ZNF827: variants seen among roughly 807,000 people sequenced by gnomAD.
ZNF827 encodes zinc finger protein 827.
A neutral mutation model predicts 102.4 loss-of-function variants in ZNF827; 13 were observed. That is an observed-to-expected ratio of 0.13 (90% CI 0.08 to 0.20). ZNF827 has a LOEUF of 0.20. ZNF827 is among the 10% of genes least tolerant of loss of function. The pLI, the probability that ZNF827 is intolerant of heterozygous loss-of-function variation, is 1.00. For missense variants in ZNF827, 1,103 were observed against 1,344.4 expected, an observed-to-expected ratio of 0.82 and a Z score of 2.81; for synonymous variants, 523 against 536.2, an observed-to-expected ratio of 0.98 and a Z score of 0.34.
At chr4:145,907,116 G>A (rs1423766686) in intron 1 of ZNF827, 1 of 456,690 alleles carries the variant, frequency 2.2e-6, no homozygotes, top group Non-Finnish European at 4.4e-6. Context: ...AAGAAAATGA[G>A]GATGTGCAGA....
At position 145,902,130 on chromosome 4, in the gene ZNF827, G is replaced by C; in HGVS notation, c.1093+36C>G. On this transcript the variant is annotated intron_variant, in intron 2 of 14. Transcript: ENST00000508784. This position sits in a 1 kb window ranked among gnomAD's most constrained non-coding sequence, Gnocchi z 4.3. ...AAGACATCGCAGTTTATAGTCTAAAGGACTTACACGATGATTGAAAGAAAA... is the reference window on the plus strand; with the variant it reads ...AAGACATCGCAGTTTATAGTCTAAACGACTTACACGATGATTGAAAGAAAA... 10 of 1,549,864 alleles carry C rather than the reference G, an allele frequency of 6.5e-6. No homozygotes were observed. The highest frequency in any genetic ancestry group is 8.7e-6 in the Non-Finnish European group (10 of 1,153,784).
In ZNF827 at chr4:145,801,533, G is replaced by A. The variant is rs530263271; in HGVS notation, c.2383+21889C>T. Among the ~76,000 whole-genome samples the A allele has an allele frequency of 8.5e-5, 13 of 152,244 alleles. 1 individual carries two copies. The South Asian group carries it at 1.7e-3, about 19-fold the overall frequency. ...TTTTTAGAGAGAGTGGGGAAGAAGT[G>A]TACTCTAAAAAGATACATCAGGCCC... On this transcript the variant is annotated intron_variant, in intron 8 of 14. Transcript: ENST00000508784.
At chr4:145,775,650 G>T in intron 10 of ZNF827, 139 bp downstream of exon 10, 1 of 1,073,260 alleles carries the variant, frequency 9.3e-7, no homozygotes, top group Non-Finnish European at 1.3e-6. Flanking sequence ...CTCAATCTGA[G>T]CAAAGAAATT....
At chr4:145,783,930 G>C (rs57911820) in intron 8 of ZNF827, among the ~76,000 whole-genome samples, 27 of 152,228 alleles carry the variant, frequency 1.8e-4, no homozygotes, top group African/African-American at 5.1e-4. Flanking sequence ...GGATCATGGG[G>C]GTGGAGTTCT....
At chr4:145,871,488 C>T (rs556892384) in intron 4 of ZNF827, among the ~76,000 whole-genome samples, 3 of 152,128 alleles carry the variant, frequency 2.0e-5, no homozygotes, top group Non-Finnish European at 4.4e-5. Context: ...AGACAAGCAC[C>T]CTCTTCCTAC....
chr4:145,862,518 T>TA (rs954028221), intron 5 of ZNF827, among the ~76,000 whole-genome samples: 1 of 152,096 alleles, frequency 6.6e-6, no homozygotes, highest in African/African-American at 2.4e-5. Flanking sequence ...CCCCCAGCCA[T>TA]GGGATATATA....
intron 1 of ZNF827, among the ~76,000 whole-genome samples, chr4:145,909,406 G>T (rs1301068511): frequency 6.6e-6 from 1 of 152,208 alleles, no homozygotes; most frequent in Non-Finnish European, 1.5e-5. Context: ...GCACCATCAG[G>T]GCTCTCTCTC....
chr4:145,886,273 T>TA, intron 3 of ZNF827, 115 bp from the exon 4 acceptor site: 1 of 1,425,602 alleles, frequency 7.0e-7, no homozygotes, highest in Non-Finnish European at 9.2e-7. Context: ...CTGGCCTTTG[T>TA]ACTGCAGAGC....
intron 1 of ZNF827, among the ~76,000 whole-genome samples, chr4:145,906,175 G>A (rs1751857134): frequency 6.6e-6 from 1 of 152,202 alleles, no homozygotes; most frequent in Admixed American, 6.5e-5. Flanking sequence ...CTGGCCCAAT[G>A]CTTCTCTGCA....
rs1384265221 is a variant in ZNF827, at chr4:145,761,692, C to G, written c.*18-94G>C. 1.3e-6 allele frequency: 1 copy of G among 786,116 alleles called. No homozygotes were observed. Among genetic ancestry groups the G allele is most frequent in the African/African-American group, 1.8e-5 (1 of 55,074 alleles). The allele number at this position is 786,116 out of a possible 1,614,324, so 48.7% of individuals were successfully genotyped here. A position where few individuals can be genotyped will look rare whatever the true frequency, so the allele number is the denominator to read the frequency against. ...CTCACCAGCCTTCCCTCACACCACC[C>G]CCCAGTGTCTGAGGCCTGGCCTGCC... is the stretch of plus-strand genomic sequence containing the variant. On this transcript the variant is annotated intron_variant, in intron 14 of 14. Transcript: ENST00000508784. This position sits in a 1 kb window ranked among gnomAD's most constrained non-coding sequence, Gnocchi z 6.8.
Position 145,762,370 on chromosome 4 carries a change from G to C in ZNF827, c.*17+720C>G, listed in dbSNP as rs1734659042. On this transcript the variant is annotated intron_variant, in intron 14 of 14. Coordinates refer to ENST00000508784, the MANE Select transcript of ZNF827 (RefSeq NM_001306215.2). The surrounding 1 kb of genome is among the most constrained non-coding windows in gnomAD (Gnocchi z 4.9). ...GGGAGACAACTGCTATCTGGAGCTC[G>C]AAGACATTATTAATACATGATTATG... 6.6e-6 allele frequency among the ~76,000 whole-genome samples: 1 copy of C among 152,186 alleles called. No homozygotes were observed. The highest frequency in any genetic ancestry group is 1.9e-4 in the East Asian group (1 of 5,202).
At chr4:145,787,437 G>A (rs944009493) in intron 8 of ZNF827, among the ~76,000 whole-genome samples, 3 of 150,076 alleles carry the variant, frequency 2.0e-5, no homozygotes, top group South Asian at 2.1e-4. Context: ...ACTCCAGCCC[G>A]GGTGACAGAG....
At chr4:145,917,275 C>G (rs111941087) in intron 1 of ZNF827, among the ~76,000 whole-genome samples, 2 of 152,162 alleles carry the variant, frequency 1.3e-5, no homozygotes, top group Non-Finnish European at 2.9e-5. Context: ...TAACAAAACA[C>G]GCACGACCAG....
At chr4:145,846,489 CAAACAA>C (rs1579357461) in intron 6 of ZNF827, among the ~76,000 whole-genome samples, 1 of 140,552 alleles carries the variant, frequency 7.1e-6, no homozygotes, top group Non-Finnish European at 1.5e-5. Context: ...AACAAACAAA[CAAACAA>C]AAAAACACAA....
intron 8 of ZNF827, among the ~76,000 whole-genome samples, chr4:145,813,235 A>C (rs1362343329): frequency 6.6e-6 from 1 of 152,066 alleles, no homozygotes; most frequent in Non-Finnish European, 1.5e-5. Flanking sequence ...CATTCACCTC[A>C]CTTCATCTCA....
At chr4:145,898,408 TC>T (rs747902328) in intron 2 of ZNF827, among the ~76,000 whole-genome samples, 1 of 152,212 alleles carries the variant, frequency 6.6e-6, no homozygotes, top group East Asian at 1.9e-4. Context: ...AGACCCTCTC[TC>T]TGAAACTCTC....
chr4:145,820,720 T>C (rs940957402), intron 8 of ZNF827, among the ~76,000 whole-genome samples: 2 of 152,210 alleles, frequency 1.3e-5, no homozygotes, highest in African/African-American at 4.8e-5. Context: ...CCCTCATTAA[T>C]AAAGCTGCCC....
intron 8 of ZNF827, among the ~76,000 whole-genome samples, chr4:145,808,083 C>T (rs775172813): frequency 1.3e-5 from 2 of 150,700 alleles, no homozygotes; most frequent in Non-Finnish European, 3.0e-5. Flanking sequence ...GTAAACTTTC[C>T]CCTTGTTTTT....
intron 1 of ZNF827, among the ~76,000 whole-genome samples, chr4:145,912,288 T>C (rs568912440): frequency 2.6e-5 from 4 of 152,340 alleles, no homozygotes; most frequent in African/African-American, 7.2e-5. Flanking sequence ...TGTCCCTCCA[T>C]TGAGTGGCCC....
Sources: allele counts gnomAD v4.1 joint callset (sites outside exome capture counted in the v4.1 genomes callset), GRCh38; gene constraint gnomAD v4.1.1; non-coding constraint Gnocchi (gnomAD v3.1); transcripts MANE v1.5; gene names NCBI Gene and HGNC (gene_info 2026-07-23, HGNC 2026-07-21).